The following CHRNB1 variants were observed in gnomAD, a reference collection of about 807,000 sequenced individuals.
The protein encoded by CHRNB1 is acetylcholine receptor subunit beta.
In CHRNB1, 47 loss-of-function variants were observed where a neutral mutation model predicts 53.8. The observed-to-expected ratio is 0.87, with a 90% CI of 0.69 to 1.11. The LOEUF is 1.11. Among genes scored for constraint, CHRNB1 ranks in the 50% most tolerant of loss-of-function variants. CHRNB1 has a pLI of 0.00. For missense variants in CHRNB1, 605 were observed against 654.9 expected, an observed-to-expected ratio of 0.92 and a Z score of 0.83; for synonymous variants, 259 against 263.5, an observed-to-expected ratio of 0.98 and a Z score of 0.16.
At chr17:7,449,961 G>A (rs868208006) in intron 7 of CHRNB1, among the ~76,000 whole-genome samples, 16 of 151,242 alleles carry the variant, frequency 1.1e-4, no homozygotes, top group Admixed American at 2.6e-4. Flanking sequence ...GGAGAATGGC[G>A]TGAACCCGGG....
In CHRNB1 at chr17:7,456,746, G is replaced by T. The variant is rs762522013; in HGVS notation, c.*23G>T. 19 of 1,613,996 alleles carry T rather than the reference G, an allele frequency of 1.2e-5. No individual in the cohort carries two copies. Among genetic ancestry groups the T allele is most frequent in the Non-Finnish European group, 1.6e-5 (19 of 1,179,974 alleles). ...TGAAGACTGGAGGGTTGAGACCCAGGCCCCCTGCCAGTTGAAGTGAGAGTT... is the reference window on the plus strand; with the variant it reads ...TGAAGACTGGAGGGTTGAGACCCAGTCCCCCTGCCAGTTGAAGTGAGAGTT... On this transcript the variant is annotated 3_prime_UTR_variant, in exon 11 of 11. Transcript: ENST00000306071.
At chr17:7,450,973 A>C (rs1908862476) in intron 7 of CHRNB1, among the ~76,000 whole-genome samples, 1 of 152,196 alleles carries the variant, frequency 6.6e-6, no homozygotes, top group Non-Finnish European at 1.5e-5. Flanking sequence ...CTGGTGGATC[A>C]CCTGAGGTCA....
intron 7 of CHRNB1, among the ~76,000 whole-genome samples, chr17:7,451,039 G>A (rs1908864519): frequency 6.6e-6 from 1 of 152,070 alleles, no homozygotes; most frequent in African/African-American, 2.4e-5. Context: ...TAAGCAGAGG[G>A]GAAAGCAGTA....
rs2069957624 is a variant in CHRNB1 at position 7,456,813 on chromosome 17, C to T, written c.*90C>T. ...CCCTATCCTTCTCTGCCTCTTAACT[C>T]CTTCACGAGGAATCTGGGCCTCTTA... On this transcript the variant is annotated 3_prime_UTR_variant, in exon 11 of 11. Coordinates refer to ENST00000306071, the MANE Select transcript of CHRNB1 (RefSeq NM_000747.3). 6.5e-7 allele frequency: 1 copy of T among 1,540,366 alleles called. No individual in the cohort carries two copies. Among genetic ancestry groups the T allele is most frequent in the Non-Finnish European group, 8.9e-7 (1 of 1,120,166 alleles).
Position 7,448,788 on chromosome 17 carries a change from G to A in CHRNB1, c.820G>A (p.Gly274Arg). Residue 274 changes from glycine (G) to arginine (R), a missense_variant and splice_region_variant, in exon 7 of 11, where the codon GGA (glycine) becomes AGA (arginine). By Grantham distance (125) the Gly-to-Arg change is moderately radical. Coordinates refer to ENST00000306071, the MANE Select transcript of CHRNB1 (RefSeq NM_000747.3). Reference protein sequence around the residue: ...IFVFYLPPDAGEKMGLSIFAL... With the variant: ...IFVFYLPPDAREKMGLSIFAL... ...CGTCTTCTACCTGCCACCAGATGCA[G>A]GTAATGGGGGAAGGGGCTCCTTACT... The A allele has an allele frequency of 1.2e-6, 2 of 1,613,958 alleles. No homozygotes were observed. Among genetic ancestry groups the A allele is most frequent in the Non-Finnish European group, 1.7e-6 (2 of 1,179,824 alleles).
chr17:7,455,685 C>T, intron 9 of CHRNB1, 109 bp from the exon 10 acceptor site: 12 of 1,451,452 alleles, frequency 8.3e-6, no homozygotes, highest in Non-Finnish European at 1.2e-5. Flanking sequence ...GCATGATGGG[C>T]TCTCGGGTTT....
At chr17:7,453,958 G>C (rs1908979608) in intron 7 of CHRNB1, among the ~76,000 whole-genome samples, 1 of 152,094 alleles carries the variant, frequency 6.6e-6, no homozygotes, top group African/African-American at 2.4e-5. Context: ...CTACTCAGGA[G>C]GCCGAGGTGG....
chr17:7,445,545 G>A lies in CHRNB1; in HGVS notation c.198+136G>A, dbSNP rs1318735158. 2.0e-6 allele frequency: 3 copies of A among 1,514,700 alleles called. No individual in the cohort carries two copies. The highest frequency in any genetic ancestry group is 2.6e-6 in the Non-Finnish European group (3 of 1,135,450). The allele number at this position is 1,514,700 out of a possible 1,614,324, so 93.8% of individuals were successfully genotyped here. A position where few individuals can be genotyped will look rare whatever the true frequency, so the allele number is the denominator to read the frequency against. On this transcript the variant is annotated intron_variant, in intron 2 of 10. Coordinates refer to ENST00000306071, the MANE Select transcript of CHRNB1 (RefSeq NM_000747.3). The surrounding 1 kb of genome is among the most constrained non-coding windows in gnomAD (Gnocchi z 5.7). ...CTGAGATGGACCAGCCTTTGGTGAA[G>A]ATTGGATCGAAATCAGACCAATGGA... is the stretch of plus-strand genomic sequence containing the variant.
chr17:7,448,102 A>AAAAG (rs1908727651), intron 6 of CHRNB1, among the ~76,000 whole-genome samples: 1 of 145,634 alleles, frequency 6.9e-6, no homozygotes, highest in African/African-American at 2.6e-5. Flanking sequence ...AAAAAAAAAA[A>AAAAG]GGGCCTGGCG....
intron 7 of CHRNB1, 44 bp downstream of exon 7, chr17:7,448,832 C>T: frequency 1.9e-6 from 3 of 1,583,582 alleles, no homozygotes; most frequent in Non-Finnish European, 2.6e-6. Flanking sequence ...ATTGGCTCAG[C>T]TTCTTACTCT....
chr17:7,456,617 T>C lies in CHRNB1; in HGVS notation c.1400T>C (p.Val467Ala). Residue 467 changes from valine (V) to alanine (A), a missense_variant, in exon 11 of 11, where the codon GTG (valine) becomes GCG (alanine). By Grantham distance (64) the Val-to-Ala change is moderately conservative. Coordinates refer to ENST00000306071, the MANE Select transcript of CHRNB1 (RefSeq NM_000747.3). ...KEDWQFVAMVVDRLFLWTFII... is the reference protein window; with the variant it reads ...KEDWQFVAMVADRLFLWTFII... ...GACTGGCAGTTTGTGGCCATGGTAG[T>C]GGACCGCCTCTTCCTGTGGACTTTC... 1.2e-6 allele frequency: 2 copies of C among 1,614,156 alleles called. No individual in the cohort carries two copies. Among genetic ancestry groups the C allele is most frequent in the South Asian group, 1.1e-5 (1 of 91,082 alleles).
rs1597749465 is a variant in CHRNB1 at position 7,447,313 on chromosome 17, G to A, written c.462+162G>A. ...CTCCTGGTTTTCCATTGAGTGTTCTGTACACTTTCTTTGACTTCTAGTCTT... is the reference window on the plus strand; with the variant it reads ...CTCCTGGTTTTCCATTGAGTGTTCTATACACTTTCTTTGACTTCTAGTCTT... On this transcript the variant is annotated intron_variant, in intron 5 of 10. Coordinates refer to ENST00000306071, the MANE Select transcript of CHRNB1 (RefSeq NM_000747.3). 4.4e-6 allele frequency: 4 copies of A among 911,342 alleles called. No individual in the cohort carries two copies. The Admixed American group carries it at 8.0e-5, about 18-fold the overall frequency. 56.5% of individuals were successfully genotyped at this position (911,342 alleles called of 1,614,324 possible). A position where few individuals can be genotyped will look rare whatever the true frequency, so the allele number is the denominator to read the frequency against.
intron 9 of CHRNB1, 24 bp downstream of exon 9, chr17:7,455,480 A>G (rs769980666): frequency 1.1e-5 from 17 of 1,613,444 alleles, no homozygotes; most frequent in South Asian, 9.9e-5. Flanking sequence ...CGTTACCCAC[A>G]TAAGAGGGAG....
At position 7,455,944 on chromosome 17, in the gene CHRNB1, A is replaced by G. The variant is rs1252250496; in HGVS notation, c.1365+3A>G. 1.9e-6 allele frequency: 3 copies of G among 1,590,184 alleles called. No individual in the cohort carries two copies. The highest frequency in any genetic ancestry group is 1.7e-6 in the Non-Finnish European group (2 of 1,167,872). On this transcript the variant is annotated splice_donor_region_variant and intron_variant, in intron 10 of 10. Transcript: ENST00000306071. Reference sequence around the variant, plus strand: ...AGGAACAGGAGGACCACGATGCGGTATGTCCAACGGGGGTGGAACAAGGCC... The same window carrying G: ...AGGAACAGGAGGACCACGATGCGGTGTGTCCAACGGGGGTGGAACAAGGCC...
At chr17:7,447,181 G>T (rs781770923) in intron 5 of CHRNB1, 30 bp downstream of exon 5, 1 of 1,575,270 alleles carries the variant, frequency 6.3e-7, no homozygotes, top group Non-Finnish European at 8.7e-7. Context: ...GAAGCTGAAG[G>T]AGCTCTTACA....
chr17:7,451,799 G>A (rs1908898214), intron 7 of CHRNB1, among the ~76,000 whole-genome samples: 1 of 152,140 alleles, frequency 6.6e-6, no homozygotes, highest in South Asian at 2.1e-4. Context: ...GCCCTCCAGG[G>A]CCTGGAGCAG....
Position 7,450,507 on chromosome 17 carries a change from C to T in CHRNB1, c.820+1719C>T, listed in dbSNP as rs886480339. Reference sequence around the variant, plus strand: ...GAAGTGGGCCAACCATTGTCCCTACCGCCTAGAATTATTTTGAGGATTGAC... The same window carrying T: ...GAAGTGGGCCAACCATTGTCCCTACTGCCTAGAATTATTTTGAGGATTGAC... On this transcript the variant is annotated intron_variant, in intron 7 of 10. Transcript: ENST00000306071. Among the ~76,000 whole-genome samples the T allele has an allele frequency of 5.9e-5, 9 of 152,136 alleles. No individual in the cohort carries two copies. In the South Asian group the frequency reaches 6.2e-4, roughly 10 times the overall value.
chr17:7,447,260 A>G, intron 5 of CHRNB1, 109 bp downstream of exon 5: 1 of 997,840 alleles, frequency 1.0e-6, no homozygotes, highest in East Asian at 2.5e-5. Context: ...CCCATTATCT[A>G]ATCCCCATGA....
intron 2 of CHRNB1, 53 bp from the exon 3 acceptor site, chr17:7,446,016 C>A (rs1326632216): frequency 8.3e-6 from 13 of 1,561,848 alleles, no homozygotes; most frequent in Non-Finnish European, 1.1e-5. Context: ...CCCGAGCCCC[C>A]TCATTTCTCT....
Sources: allele counts gnomAD v4.1 joint callset (sites outside exome capture counted in the v4.1 genomes callset), GRCh38; gene constraint gnomAD v4.1.1; non-coding constraint Gnocchi (gnomAD v3.1); transcripts MANE v1.5; gene names NCBI Gene and HGNC (gene_info 2026-07-23, HGNC 2026-07-21).